The following GFOD1 variants were observed in gnomAD, a reference collection of about 807,000 sequenced individuals.
GFOD1 encodes glucose-fructose oxidoreductase domain-containing protein 1.
A neutral mutation model predicts 25.4 loss-of-function variants in GFOD1; 9 were observed. The observed-to-expected ratio is 0.35, with a 90% CI of 0.21 to 0.62. GFOD1 has a LOEUF of 0.62. Among genes scored for constraint, GFOD1 ranks in the 20% least tolerant of loss-of-function variants. The pLI, the probability that GFOD1 is intolerant of heterozygous loss-of-function variation, is 0.72. For missense variants in GFOD1, 403 were observed against 556.9 expected (o/e 0.72, Z 2.78); for synonymous variants, 253 against 245.6 (o/e 1.03, Z -0.28).
chr6:13,381,518 A>G (rs1186898143), intron 1 of GFOD1, among the ~76,000 whole-genome samples: 1 of 152,220 alleles, frequency 6.6e-6, no homozygotes, highest in African/African-American at 2.4e-5. Flanking sequence ...GGATGCTTCC[A>G]TATGGAAAGG....
chr6:13,408,180 C>G (rs533756894), intron 1 of GFOD1: 2 of 735,070 alleles, frequency 2.7e-6, no homozygotes, highest in East Asian at 2.6e-4. Context: ...TCTGCCTGAT[C>G]AGAACACAAT....
Position 13,364,810 on chromosome 6 carries a change from G to A in GFOD1, c.1106C>T (p.Pro369Leu), listed in dbSNP as rs368352032. Residue 369 changes from proline to leucine, a missense_variant, in exon 2 of 2, where the codon CCG becomes CTG. By Grantham distance (98) the Pro-to-Leu change is moderately conservative. Coordinates refer to ENST00000379287, the MANE Select transcript of GFOD1 (RefSeq NM_018988.4). This position sits in a 1 kb window ranked among gnomAD's most constrained non-coding sequence, Gnocchi z 4.1. ...GATCAGGTAGGCGGGGCTCAGCTCCGGCTCCTCGGTCATGATGGCAATGTT... is the reference window on the plus strand; with the variant it reads ...GATCAGGTAGGCGGGGCTCAGCTCCAGCTCCTCGGTCATGATGGCAATGTT... ...WQNIAIMTEE[P>L]ELSPAYLISE... The A allele has an allele frequency of 6.2e-6, 10 of 1,613,810 alleles. No individual in the cohort carries two copies. The African/African-American group carries it at 1.1e-4, about 17-fold the overall frequency.
intron 1 of GFOD1, among the ~76,000 whole-genome samples, chr6:13,461,078 C>A (rs1484716240): frequency 6.6e-6 from 1 of 152,218 alleles, no homozygotes; most frequent in Non-Finnish European, 1.5e-5. Context: ...TCTGTTACAG[C>A]AGCACAAGAC....
At chr6:13,478,911 C>G (rs554736613) in intron 1 of GFOD1, among the ~76,000 whole-genome samples, 1 of 152,232 alleles carries the variant, frequency 6.6e-6, no homozygotes, top group East Asian at 1.9e-4. Flanking sequence ...CCTAAGCACC[C>G]CCACTGCAAG....
chr6:13,450,452 C>T (rs1234068826), intron 1 of GFOD1, among the ~76,000 whole-genome samples: 1 of 152,100 alleles, frequency 6.6e-6, no homozygotes, highest in African/African-American at 2.4e-5. Flanking sequence ...TACAGCTGTT[C>T]CTATGGCTAA....
At chr6:13,414,169 T>C (rs1220996708) in intron 1 of GFOD1, among the ~76,000 whole-genome samples, 1 of 152,148 alleles carries the variant, frequency 6.6e-6, no homozygotes, top group Non-Finnish European at 1.5e-5. Context: ...CACTTATAAG[T>C]ACCCACTAAC....
intron 1 of GFOD1, among the ~76,000 whole-genome samples, chr6:13,445,279 A>T (rs914293809): frequency 7.2e-5 from 11 of 152,230 alleles, no homozygotes; most frequent in African/African-American, 2.4e-4. Context: ...CTCGTTGAGC[A>T]CCACTTCTCA....
chr6:13,472,055 G>C (rs2127577710), intron 1 of GFOD1: 1 of 164,672 alleles, frequency 6.1e-6, no homozygotes, highest in East Asian at 1.8e-4. Context: ...GGCAGCAAGA[G>C]AAAATGAGGG....
At chr6:13,427,553 A>G (rs990400400) in intron 1 of GFOD1, among the ~76,000 whole-genome samples, 7 of 152,138 alleles carry the variant, frequency 4.6e-5, no homozygotes, top group African/African-American at 1.7e-4. Context: ...CAGCAGACTG[A>G]GGCAGGAGGA....
intron 1 of GFOD1, among the ~76,000 whole-genome samples, chr6:13,451,207 C>T (rs1457390480): frequency 6.6e-6 from 1 of 152,196 alleles, no homozygotes; most frequent in Admixed American, 6.5e-5. Flanking sequence ...TAGTGACTTG[C>T]CCAGACTAAG....
At chr6:13,444,859 C>T (rs114494709) in intron 1 of GFOD1, among the ~76,000 whole-genome samples, 3,727 of 152,238 alleles carry the variant, frequency 0.024, 80 homozygotes, top group Non-Finnish European at 0.036. Context: ...CAAAGTAAGC[C>T]TATACATATT....
intron 1 of GFOD1, among the ~76,000 whole-genome samples, chr6:13,402,999 G>A (rs1360761686): frequency 6.6e-6 from 1 of 151,866 alleles, no homozygotes; most frequent in Non-Finnish European, 1.5e-5. Flanking sequence ...ATGGGAATAT[G>A]TTCTGAGAAA....
rs115413301 is a variant in GFOD1 at position 13,462,067 on chromosome 6, C to T, written c.253+24571G>A. Reference sequence around the variant, plus strand: ...ACGCTGGGCAAGGTCCTTAACCTCTCGGTTTCTCCATGTGCAAGTGAAGAG... The same window carrying T: ...ACGCTGGGCAAGGTCCTTAACCTCTTGGTTTCTCCATGTGCAAGTGAAGAG... On this transcript the variant is annotated intron_variant, in intron 1 of 1. Transcript: ENST00000379287. 4.5e-3 allele frequency among the ~76,000 whole-genome samples: 688 copies of T among 152,316 alleles called. 4 individuals carry two copies. Among genetic ancestry groups the T allele is most frequent in the Non-Finnish European group, 6.2e-3 (422 of 68,032 alleles).
chr6:13,374,273 TTGTGTG>T (rs567594703), intron 1 of GFOD1, among the ~76,000 whole-genome samples: 7 of 134,412 alleles, frequency 5.2e-5, no homozygotes, highest in East Asian at 2.1e-4. Flanking sequence ...TGTTTTTTTT[TTGTGTG>T]TGTGTGTGTG....
rs1223844677 is a variant in GFOD1, at chr6:13,365,091, C to T, written c.825G>A (p.Gln275=). ...LYGQRNSAPE[Q]ELLVQDATPV... ...GCGTGGCGTCCTGCACCAGCAGCTC[C>T]TGCTCCGGGGCGCTGTTGCGCTGCC... Residue 275 remains glutamine (Q), a synonymous_variant, in exon 2 of 2, where the codon CAG becomes CAA. Coordinates refer to ENST00000379287, the MANE Select transcript of GFOD1 (RefSeq NM_018988.4). The surrounding 1 kb of genome is among the most constrained non-coding windows in gnomAD (Gnocchi z 9.2). 1.9e-6 allele frequency: 3 copies of T among 1,612,448 alleles called. No individual in the cohort carries two copies. The highest frequency in any genetic ancestry group is 2.7e-5 in the African/African-American group (2 of 75,074).
At chr6:13,476,873 C>T (rs1186669991) in intron 1 of GFOD1, among the ~76,000 whole-genome samples, 1 of 152,152 alleles carries the variant, frequency 6.6e-6, no homozygotes, top group Non-Finnish European at 1.5e-5. Flanking sequence ...CTTGCCCAAA[C>T]CCTAGAAGTC....
chr6:13,409,488 C>T lies in GFOD1; in HGVS notation c.254-43826G>A, dbSNP rs532805482. Among the ~76,000 whole-genome samples the T allele has an allele frequency of 3.9e-5, 6 of 152,260 alleles. No individual in the cohort carries two copies. The South Asian group carries it at 8.3e-4, about 21-fold the overall frequency. ...AAGTAACCATCATGAGATTAGGGGACTGCAATTTTAGTTACGTCTTTATGC... is the reference window on the plus strand; with the variant it reads ...AAGTAACCATCATGAGATTAGGGGATTGCAATTTTAGTTACGTCTTTATGC... On this transcript the variant is annotated intron_variant, in intron 1 of 1. Transcript: ENST00000379287.
At chr6:13,409,399 A>C (rs183826787) in intron 1 of GFOD1, among the ~76,000 whole-genome samples, 2 of 151,850 alleles carry the variant, frequency 1.3e-5, no homozygotes, top group Admixed American at 1.3e-4. Context: ...AAGGAAAAAA[A>C]CAATGAAATA....
rs535268172 is a variant in GFOD1 at position 13,416,993 on chromosome 6, A to C, written c.254-51331T>G. On this transcript the variant is annotated intron_variant, in intron 1 of 1. Coordinates refer to ENST00000379287, the MANE Select transcript of GFOD1 (RefSeq NM_018988.4). ...TGCCACTGGCTTCTCAAGCTATCCC[A>C]TCATCATCATTCTTATCATATCCCT... 1.1e-4 allele frequency among the ~76,000 whole-genome samples: 17 copies of C among 152,348 alleles called. No homozygotes were observed. In the South Asian group the frequency reaches 3.5e-3, roughly 32 times the overall value.
Sources: allele counts gnomAD v4.1 joint callset (sites outside exome capture counted in the v4.1 genomes callset), GRCh38; gene constraint gnomAD v4.1.1; non-coding constraint Gnocchi (gnomAD v3.1); transcripts MANE v1.5; gene names NCBI Gene and HGNC (gene_info 2026-07-23, HGNC 2026-07-21).